The following GABRA1 variants were observed in gnomAD, a reference collection of about 807,000 sequenced individuals.
GABRA1 encodes gamma-aminobutyric acid receptor subunit alpha-1.
Under a neutral mutation model 48.9 loss-of-function variants are expected in GABRA1, and 9 were observed. The ratio of observed to expected loss-of-function variants is 0.18; its 90% CI spans 0.11 to 0.32. GABRA1 has a LOEUF of 0.32. Among genes scored for constraint, GABRA1 ranks in the 10% least tolerant of loss-of-function variants. GABRA1 has a pLI of 1.00. For synonymous variants in GABRA1, 210 were observed against 198.7 expected, an observed-to-expected ratio of 1.06 and a Z score of -0.48; for missense variants, 285 against 553.8, an observed-to-expected ratio of 0.51 and a Z score of 4.87.
intron 6 of GABRA1, chr5:161,882,021 C>T (rs1179019974): frequency 1.3e-5 from 2 of 155,092 alleles, no homozygotes; most frequent in East Asian, 3.8e-4. Flanking sequence ...GAAGAAGACA[C>T]TTGTTAGTTT....
chr5:161,880,158 T>C (rs1041337364), intron 6 of GABRA1, among the ~76,000 whole-genome samples: 1 of 152,192 alleles, frequency 6.6e-6, no homozygotes, highest in Non-Finnish European at 1.5e-5. Flanking sequence ...ATTAGTAATG[T>C]CTGCTTAAAC....
chr5:161,893,696 T>C (rs1219796383), intron 8 of GABRA1, among the ~76,000 whole-genome samples: 1 of 152,210 alleles, frequency 6.6e-6, no homozygotes, highest in Non-Finnish European at 1.5e-5. Flanking sequence ...AAGTTTGAGA[T>C]TCAGTCTCGC....
rs747735903 is a variant in GABRA1 at position 161,875,629 on chromosome 5, A to G, written c.546A>G (p.Leu182=). ...DFPMDAHACP[L]KFGSYAYTRA... ...CTATGGATGCCCATGCTTGCCCACT[A>G]AAATTTGGAAGTTGTGAGTAAATTT... The change falls in exon 6 of 10, where the codon CTA becomes CTG. Residue 182 remains leucine, a synonymous_variant. Transcript: ENST00000393943. 2 of 1,612,876 alleles carry G rather than the reference A, an allele frequency of 1.2e-6. No individual in the cohort carries two copies. Among genetic ancestry groups the G allele is most frequent in the Non-Finnish European group, 1.7e-6 (2 of 1,179,004 alleles).
chr5:161,849,837 A>G (rs559796758), intron 1 of GABRA1, among the ~76,000 whole-genome samples: 8 of 152,134 alleles, frequency 5.3e-5, no homozygotes, highest in Non-Finnish European at 1.2e-4. Context: ...CACATAGACT[A>G]TATACATTTT....
At chr5:161,895,234 T>G (rs1181178239) in intron 8 of GABRA1, among the ~76,000 whole-genome samples, 1 of 152,138 alleles carries the variant, frequency 6.6e-6, no homozygotes, top group Non-Finnish European at 1.5e-5. Context: ...ACTTTCTGGT[T>G]TACATATTTG....
At chr5:161,888,902 A>G (rs994758865) in intron 7 of GABRA1, among the ~76,000 whole-genome samples, 2 of 152,032 alleles carry the variant, frequency 1.3e-5, no homozygotes, top group Non-Finnish European at 2.9e-5. Context: ...CGTGAGCCTC[A>G]GTGCATCCAT....
intron 3 of GABRA1, among the ~76,000 whole-genome samples, chr5:161,859,433 T>C (rs1355707227): frequency 6.6e-6 from 1 of 151,740 alleles, no homozygotes; most frequent in Non-Finnish European, 1.5e-5. Flanking sequence ...GTTGGCTTCT[T>C]AGGGAATTGG....
chr5:161,867,784 C>A (rs1753937529), intron 4 of GABRA1, among the ~76,000 whole-genome samples: 1 of 152,020 alleles, frequency 6.6e-6, no homozygotes, highest in African/African-American at 2.4e-5. Context: ...TTTTATTAGT[C>A]CAATAAAAAA....
intron 3 of GABRA1, among the ~76,000 whole-genome samples, chr5:161,857,780 TA>T: frequency 6.6e-6 from 1 of 151,580 alleles, no homozygotes; most frequent in Non-Finnish European, 1.5e-5. Context: ...AAAATAAAAC[TA>T]AAAATTATCA....
chr5:161,889,202 A>C (rs953674330), intron 7 of GABRA1, among the ~76,000 whole-genome samples: 8 of 152,204 alleles, frequency 5.3e-5, no homozygotes, highest in Admixed American at 5.2e-4. Context: ...GTGTTATTCT[A>C]CCAACACTTC....
At chr5:161,894,670 TTTTATATGG>T (rs1755277879) in intron 8 of GABRA1, among the ~76,000 whole-genome samples, 1 of 151,804 alleles carries the variant, frequency 6.6e-6, no homozygotes, top group Non-Finnish European at 1.5e-5. Context: ...TTTTTAACAT[TTTTATATGG>T]TTTAAAGGGA....
At chr5:161,856,661 T>C (rs1476112828) in intron 3 of GABRA1, among the ~76,000 whole-genome samples, 1 of 151,330 alleles carries the variant, frequency 6.6e-6, no homozygotes, top group Non-Finnish European at 1.5e-5. Context: ...ACTTTGATAC[T>C]GATTAAACTT....
Position 161,877,960 on chromosome 5 carries a change from T to C in GABRA1, c.559+2318T>C, listed in dbSNP as rs559969797. Among the ~76,000 whole-genome samples the C allele has an allele frequency of 2.6e-5, 4 of 152,280 alleles. No individual in the cohort carries two copies. In the East Asian group the frequency reaches 7.7e-4, roughly 29 times the overall value. ...CGAAATTTGCTTACAGTCTCACCAG[T>C]CTTGTTGATCACAATGCACATTTAT... On this transcript the variant is annotated intron_variant, in intron 6 of 9. Coordinates refer to ENST00000393943, the MANE Select transcript of GABRA1 (RefSeq NM_001127644.2).
chr5:161,889,639 T>C (rs1232242158), intron 7 of GABRA1, among the ~76,000 whole-genome samples: 3 of 152,074 alleles, frequency 2.0e-5, no homozygotes, highest in African/African-American at 7.2e-5. Context: ...CAGTGCATAT[T>C]AGAACTATGC....
intron 4 of GABRA1, among the ~76,000 whole-genome samples, chr5:161,870,897 T>G (rs376971582): frequency 4.1e-4 from 63 of 152,002 alleles, no homozygotes; most frequent in African/African-American, 1.4e-3. Context: ...GTATTTCAAC[T>G]TCTAACAGTG....
At chr5:161,848,607 C>T (rs1252883879) in intron 1 of GABRA1, 185 bp downstream of exon 1, 2 of 188,628 alleles carry the variant, frequency 1.1e-5, no homozygotes, top group African/African-American at 4.8e-5. Context: ...CCTGATCCCA[C>T]AGCAGGTAGA....
chr5:161,876,163 G>A lies in GABRA1; in HGVS notation c.559+521G>A, dbSNP rs150777949. Among the ~76,000 whole-genome samples, 578 of 150,364 alleles carry A rather than the reference G, an allele frequency of 3.8e-3. 1 individual carries two copies. The highest frequency in any genetic ancestry group is 7.2e-3 in the Non-Finnish European group (486 of 67,852). On this transcript the variant is annotated intron_variant, in intron 6 of 9. Coordinates refer to ENST00000393943, the MANE Select transcript of GABRA1 (RefSeq NM_001127644.2). ...AGTCTTAGAAAATTAGCTGATATGT[G>A]TGTGTATCTCATGGCATTCATATAT...
chr5:161,853,936 T>C (rs1757545043), intron 2 of GABRA1, among the ~76,000 whole-genome samples: 1 of 151,822 alleles, frequency 6.6e-6, no homozygotes, highest in African/African-American at 2.4e-5. Flanking sequence ...ACAGAAGTCA[T>C]TTCTTACAAT....
intron 8 of GABRA1, among the ~76,000 whole-genome samples, chr5:161,893,022 AATAATAAT>A (rs1561586273): frequency 1.1e-5 from 1 of 93,108 alleles, no homozygotes; most frequent in African/African-American, 5.1e-5. Context: ...TAATAATAAT[AATAATAAT>A]AATAATAATA....
Sources: gnomAD v4.1 joint callset for allele counts (sites outside exome capture counted in the v4.1 genomes callset) on GRCh38, gnomAD v4.1.1 for gene constraint, MANE v1.5 for transcripts, NCBI Gene and HGNC (gene_info 2026-07-23, HGNC 2026-07-21) for gene names.